CDH13: variants seen among roughly 807,000 people sequenced by gnomAD.
The protein encoded by CDH13 is cadherin 13.
In CDH13, 24 loss-of-function variants were observed where a neutral mutation model predicts 63.8. The observed-to-expected ratio is 0.38, with a 90% CI of 0.27 to 0.53. The LOEUF (loss-of-function observed/expected upper bound fraction) is 0.53. Ranked by LOEUF, CDH13 falls within the 20% of genes least tolerant of loss-of-function variation. The probability of loss-of-function intolerance (pLI) is 0.85; values close to 1 mark genes in which losing one functional copy is unlikely to be tolerated. For synonymous variants in CDH13, 503 were observed against 355.3 expected (o/e 1.42, Z -4.67); for missense variants, 1,049 against 903.1 (o/e 1.16, Z -2.07).
At chr16:83,582,377 G>C (rs549116238) in intron 7 of CDH13, among the ~76,000 whole-genome samples, 2 of 152,126 alleles carry the variant, frequency 1.3e-5, no homozygotes, top group African/African-American at 4.8e-5. Flanking sequence ...GCATCCCTTT[G>C]GAGAGGTTTT....
At chr16:82,995,918 C>T (rs910453143) in intron 2 of CDH13, among the ~76,000 whole-genome samples, 2 of 152,142 alleles carry the variant, frequency 1.3e-5, no homozygotes, top group African/African-American at 2.4e-5. Context: ...TACACAGTGG[C>T]AAGAGGAAGG....
At chr16:83,472,908 G>C (rs1253046845) in intron 6 of CDH13, among the ~76,000 whole-genome samples, 2 of 152,130 alleles carry the variant, frequency 1.3e-5, no homozygotes, top group Admixed American at 6.5e-5. Context: ...CTTGAGTGGT[G>C]GCCTGATGGC....
chr16:83,117,261 CT>C (rs1344371971), intron 3 of CDH13, among the ~76,000 whole-genome samples: 1 of 152,196 alleles, frequency 6.6e-6, no homozygotes, highest in African/African-American at 2.4e-5. Flanking sequence ...CAGGTCCAGA[CT>C]GTCTCCTTCA....
intron 6 of CDH13, among the ~76,000 whole-genome samples, chr16:83,348,680 C>A (rs967317255): frequency 6.6e-6 from 1 of 152,228 alleles, no homozygotes; most frequent in Non-Finnish European, 1.5e-5. Flanking sequence ...GTGTTTGACG[C>A]TGTGCTCAGC....
At chr16:82,881,103 C>A (rs1312393179) in intron 2 of CDH13, among the ~76,000 whole-genome samples, 1 of 151,858 alleles carries the variant, frequency 6.6e-6, no homozygotes. Context: ...TTGTTTTTTT[C>A]TTTATTGTTG....
chr16:83,094,943 AT>A (rs1259342945), intron 3 of CDH13, among the ~76,000 whole-genome samples: 13 of 152,214 alleles, frequency 8.5e-5, no homozygotes, highest in Non-Finnish European at 4.4e-5. Context: ...GATCATCATC[AT>A]CCTGTGTACA....
intron 1 of CDH13, among the ~76,000 whole-genome samples, chr16:82,642,940 T>C (rs1213554247): frequency 5.9e-5 from 9 of 152,112 alleles, no homozygotes; most frequent in African/African-American, 9.7e-5. Flanking sequence ...CTCAAGACAA[T>C]TCCAGACACA....
chr16:82,980,292 G>T (rs1405316265), intron 2 of CDH13, among the ~76,000 whole-genome samples: 1 of 152,136 alleles, frequency 6.6e-6, no homozygotes, highest in Non-Finnish European at 1.5e-5. Context: ...CCTCTGTAAT[G>T]AGTTTTGTCT....
At chr16:83,663,475 C>T (rs562251686) in intron 8 of CDH13, among the ~76,000 whole-genome samples, 19 of 152,330 alleles carry the variant, frequency 1.2e-4, no homozygotes, top group Middle Eastern at 3.4e-3. Flanking sequence ...TTACTATTCT[C>T]ATTGGGAGAC....
chr16:83,431,540 A>C (rs905265393), intron 6 of CDH13, among the ~76,000 whole-genome samples: 3 of 152,112 alleles, frequency 2.0e-5, no homozygotes, highest in African/African-American at 7.2e-5. Context: ...AAATTTTTTA[A>C]AAAGGCTTAA....
At chr16:83,384,351 C>T (rs2091630516) in intron 6 of CDH13, among the ~76,000 whole-genome samples, 1 of 152,188 alleles carries the variant, frequency 6.6e-6, no homozygotes, top group African/African-American at 2.4e-5. Context: ...TACCAGCAGG[C>T]ACTGGTCCTT....
At chr16:83,382,730 C>T (rs2091592791) in intron 6 of CDH13, among the ~76,000 whole-genome samples, 1 of 152,164 alleles carries the variant, frequency 6.6e-6, no homozygotes, top group African/African-American at 2.4e-5. Context: ...TCTTCATTAA[C>T]CTCAGATCTG....
chr16:82,696,774 G>C (rs2030349013), intron 1 of CDH13, among the ~76,000 whole-genome samples: 1 of 152,154 alleles, frequency 6.6e-6, no homozygotes, highest in Non-Finnish European at 1.5e-5. Flanking sequence ...TTACAAGCAA[G>C]TATTATTACA....
intron 6 of CDH13, among the ~76,000 whole-genome samples, chr16:83,430,654 A>G (rs2072070350): frequency 6.6e-6 from 1 of 152,170 alleles, no homozygotes. Flanking sequence ...AGATCATTTC[A>G]CTGTTGGTAG....
intron 3 of CDH13, among the ~76,000 whole-genome samples, chr16:83,049,393 G>C (rs185469034): frequency 7.1e-6 from 1 of 140,328 alleles, no homozygotes; most frequent in East Asian, 2.2e-4. Context: ...GGAGTGCAGT[G>C]GTGCGATCTC....
chr16:83,136,475 G>T (rs1166285104), intron 4 of CDH13, among the ~76,000 whole-genome samples: 1 of 141,108 alleles, frequency 7.1e-6, no homozygotes, highest in Non-Finnish European at 1.5e-5. Flanking sequence ...GACAGAGCGG[G>T]ACTCTGTCTC....
At chr16:83,238,839 C>A (rs1363051232) in intron 5 of CDH13, among the ~76,000 whole-genome samples, 1 of 152,168 alleles carries the variant, frequency 6.6e-6, no homozygotes, top group African/African-American at 2.4e-5. Flanking sequence ...TCATGGAGAA[C>A]TTTGTCTGGC....
chr16:82,896,736 A>T (rs1001942852), intron 2 of CDH13, among the ~76,000 whole-genome samples: 1 of 140,740 alleles, frequency 7.1e-6, no homozygotes, highest in African/African-American at 2.6e-5. Context: ...AGAAAGAAAG[A>T]TTGAGTGGAA....
intron 7 of CDH13, among the ~76,000 whole-genome samples, chr16:83,509,043 G>T (rs1022901190): frequency 1.9e-4 from 29 of 152,174 alleles, no homozygotes; most frequent in African/African-American, 6.8e-4. Flanking sequence ...GAAACCCTCT[G>T]CCCTCCCTTC....
Sources: allele counts gnomAD v4.1 joint callset (sites outside exome capture counted in the v4.1 genomes callset), GRCh38; gene constraint gnomAD v4.1.1; transcripts MANE v1.5; gene names NCBI Gene and HGNC (gene_info 2026-07-23, HGNC 2026-07-21).